GRM1: variants seen among roughly 807,000 people sequenced by gnomAD.
The protein encoded by GRM1 is glutamate metabotropic receptor 1, also known as metabotropic glutamate receptor 1.
In GRM1, 33 loss-of-function variants were observed where a neutral mutation model predicts 90.9. That is an observed-to-expected ratio of 0.36 (90% confidence interval 0.28 to 0.49). The LOEUF is 0.49. GRM1 is among the 20% of genes least tolerant of loss of function. The pLI is 0.99. For missense variants in GRM1, 1,190 were observed against 1,534.3 expected (o/e 0.78, Z 3.75); for synonymous variants, 700 against 613.2 (o/e 1.14, Z -2.09).
intron 2 of GRM1, among the ~76,000 whole-genome samples, chr6:146,262,385 G>A (rs1175131045): frequency 6.6e-6 from 1 of 151,916 alleles, no homozygotes; most frequent in Non-Finnish European, 1.5e-5. Context: ...AGTATCTTAA[G>A]TAAATTAAAC....
intron 2 of GRM1, among the ~76,000 whole-genome samples, chr6:146,285,586 A>G (rs1782733872): frequency 6.6e-6 from 1 of 152,188 alleles, no homozygotes; most frequent in Non-Finnish European, 1.5e-5. Context: ...CTCAGGAAGA[A>G]CTATAATCTT....
At chr6:146,235,778 T>A (rs950269647) in intron 2 of GRM1, among the ~76,000 whole-genome samples, 2 of 151,408 alleles carry the variant, frequency 1.3e-5, no homozygotes, top group African/African-American at 2.4e-5. Context: ...TCACTTGATT[T>A]CTTCCTTATA....
intron 2 of GRM1, among the ~76,000 whole-genome samples, chr6:146,267,745 C>A (rs1781972081): frequency 6.8e-6 from 1 of 147,282 alleles, no homozygotes; most frequent in Admixed American, 6.9e-5. Flanking sequence ...CGTCTCGTCT[C>A]GTCTCGTCTC....
chr6:146,171,276 A>AT (rs748670413), intron 2 of GRM1: 1 of 152,196 alleles, frequency 6.6e-6, no homozygotes, highest in Non-Finnish European at 1.5e-5. Context: ...CAAAATTTTA[A>AT]TATTGAGTTC....
At chr6:146,136,849 C>CTTTTT (rs57774648) in intron 1 of GRM1, among the ~76,000 whole-genome samples, 45 of 90,958 alleles carry the variant, frequency 4.9e-4, no homozygotes, top group Non-Finnish European at 6.1e-4. Context: ...TGTACAGAAG[C>CTTTTT]TTTTTTTTTT....
chr6:146,164,858 T>A (rs1023771467), intron 2 of GRM1, among the ~76,000 whole-genome samples: 1 of 152,152 alleles, frequency 6.6e-6, no homozygotes, highest in Non-Finnish European at 1.5e-5. Context: ...TAGGAGTCTT[T>A]GACTAGACAT....
At chr6:146,169,600 T>C (rs1263703355) in intron 2 of GRM1, among the ~76,000 whole-genome samples, 1 of 152,214 alleles carries the variant, frequency 6.6e-6, no homozygotes, top group African/African-American at 2.4e-5. Flanking sequence ...TCCCAGTAAG[T>C]CTACCTGCTT....
chr6:146,370,495 A>T (rs1775856682), intron 5 of GRM1, among the ~76,000 whole-genome samples: 1 of 152,104 alleles, frequency 6.6e-6, no homozygotes. Context: ...CTTCATTGGC[A>T]TTTTATTTCC....
chr6:146,205,712 A>T (rs1304265440), intron 2 of GRM1, among the ~76,000 whole-genome samples: 2 of 152,122 alleles, frequency 1.3e-5, no homozygotes, highest in African/African-American at 4.8e-5. Flanking sequence ...TTTAAGCAAG[A>T]CTCAGCCCTT....
At chr6:146,372,949 G>T (rs186519840) in intron 5 of GRM1, among the ~76,000 whole-genome samples, 3 of 152,000 alleles carry the variant, frequency 2.0e-5, no homozygotes, top group Admixed American at 2.0e-4. Context: ...GTTATTCTGG[G>T]TTTTTGTGGT....
intron 2 of GRM1, among the ~76,000 whole-genome samples, chr6:146,226,996 A>G (rs923527786): frequency 2.0e-5 from 3 of 152,136 alleles, no homozygotes; most frequent in Non-Finnish European, 4.4e-5. Context: ...GAGGTTATAT[A>G]CAAATAATCC....
At chr6:146,248,791 G>T (rs1409965933) in intron 2 of GRM1, among the ~76,000 whole-genome samples, 2 of 152,192 alleles carry the variant, frequency 1.3e-5, no homozygotes, top group Non-Finnish European at 2.9e-5. Flanking sequence ...ACTTCCTAGA[G>T]ACTTGTTGAA....
At chr6:146,337,564 G>A (rs1324946004) in intron 3 of GRM1, among the ~76,000 whole-genome samples, 4 of 152,092 alleles carry the variant, frequency 2.6e-5, no homozygotes, top group East Asian at 3.9e-4. Flanking sequence ...GCCTGCACAC[G>A]ACTTGGCCTT....
intron 5 of GRM1, among the ~76,000 whole-genome samples, chr6:146,361,221 C>G (rs904213733): frequency 6.6e-6 from 1 of 152,128 alleles, no homozygotes; most frequent in African/African-American, 2.4e-5. Flanking sequence ...GAGCCCAGAG[C>G]CTACTCAAAG....
intron 7 of GRM1, among the ~76,000 whole-genome samples, chr6:146,405,313 G>A (rs570705576): frequency 5.3e-5 from 8 of 152,138 alleles, no homozygotes; most frequent in South Asian, 4.2e-4. Flanking sequence ...AAGAAATACC[G>A]GGAAGAACAA....
rs1043115303 is a variant in GRM1, at chr6:146,435,486, C to T, written c.*690C>T. The stretch of plus-strand genomic sequence containing the variant: ...TTGCACTTGAAGAAAGGTGCATGGA[C>T]CCCCTGCTGCTCTGCAGATTCCCTT... On this transcript the variant is annotated 3_prime_UTR_variant, in exon 8 of 8. Transcript: ENST00000282753. 3 of 154,532 alleles carry T rather than the reference C, an allele frequency of 1.9e-5. No individual in the cohort carries two copies. Among genetic ancestry groups the T allele is most frequent in the African/African-American group, 7.2e-5 (3 of 41,460 alleles). 9.6% of individuals were successfully genotyped at this position (154,532 alleles called of 1,614,324 possible). A position where few individuals can be genotyped will look rare whatever the true frequency, so the allele number is the denominator to read the frequency against.
chr6:146,050,139 A>C (rs1379805464), intron 1 of GRM1, among the ~76,000 whole-genome samples: 1 of 152,038 alleles, frequency 6.6e-6, no homozygotes, highest in East Asian at 1.9e-4. Context: ...GAGTGAGGGC[A>C]AAGTCTTTTT....
intron 1 of GRM1, among the ~76,000 whole-genome samples, chr6:146,152,618 G>A (rs1256518449): frequency 6.6e-6 from 1 of 151,996 alleles, no homozygotes; most frequent in African/African-American, 2.4e-5. Context: ...TAAAAGAGGG[G>A]TTATAACTTC....
At chr6:146,289,533 A>C (rs975431854) in intron 2 of GRM1, among the ~76,000 whole-genome samples, 1 of 152,296 alleles carries the variant, frequency 6.6e-6, no homozygotes, top group South Asian at 2.1e-4. Flanking sequence ...GGAAGAAAAA[A>C]GTACGTTTAT....
Sources: allele counts gnomAD v4.1 joint callset (sites outside exome capture counted in the v4.1 genomes callset), GRCh38; gene constraint gnomAD v4.1.1; transcripts MANE v1.5; gene names NCBI Gene and HGNC (gene_info 2026-07-23, HGNC 2026-07-21).